Variants in THSD7A observed in about 807,000 individuals in gnomAD.
The protein encoded by THSD7A is thrombospondin type-1 domain-containing protein 7A.
THSD7A carries 96 observed loss-of-function variants against 231.3 expected under a neutral mutation model. That is an observed-to-expected ratio of 0.41 (90% CI 0.35 to 0.49). THSD7A has a LOEUF of 0.49. THSD7A is among the 20% of genes least tolerant of loss of function. The pLI, the probability that THSD7A is intolerant of heterozygous loss-of-function variation, is 0.05. For missense variants in THSD7A, 2,290 were observed against 2,070.2 expected (o/e 1.11, Z -2.06); for synonymous variants, 940 against 743.3 (o/e 1.26, Z -4.30).
intron 13 of THSD7A, among the ~76,000 whole-genome samples, chr7:11,441,152 ACTTAG>A (rs1784791655): frequency 6.6e-6 from 1 of 152,076 alleles, no homozygotes; most frequent in African/African-American, 2.4e-5. Context: ...TGTTCTAGGT[ACTTAG>A]GATACATCAG....
At chr7:11,721,240 C>A (rs1781339379) in intron 1 of THSD7A, among the ~76,000 whole-genome samples, 2 of 151,782 alleles carry the variant, frequency 1.3e-5, no homozygotes, top group African/African-American at 2.4e-5. Context: ...TAATTTGTGT[C>A]TCCACTCAAA....
chr7:11,827,222 C>G (rs1420226931), intron 1 of THSD7A, among the ~76,000 whole-genome samples: 2 of 151,966 alleles, frequency 1.3e-5, no homozygotes, highest in Non-Finnish European at 2.9e-5. Context: ...TGGGCTTTTC[C>G]TCCTCATAAA....
intron 8 of THSD7A, among the ~76,000 whole-genome samples, chr7:11,471,185 G>C (rs1234504242): frequency 6.6e-6 from 1 of 151,840 alleles, no homozygotes; most frequent in Non-Finnish European, 1.5e-5. Flanking sequence ...TGATTCCTAA[G>C]CAATTCTCTT....
intron 2 of THSD7A, among the ~76,000 whole-genome samples, chr7:11,626,612 C>A (rs1317112579): frequency 6.6e-6 from 1 of 152,050 alleles, no homozygotes; most frequent in Non-Finnish European, 1.5e-5. Flanking sequence ...AATTTGCCAT[C>A]ACTGACACCA....
chr7:11,574,922 A>G lies in THSD7A; in HGVS notation c.1453+15538T>C, dbSNP rs533198052. On this transcript the variant is annotated intron_variant, in intron 4 of 27. Coordinates refer to ENST00000423059, the MANE Select transcript of THSD7A (RefSeq NM_015204.3). The stretch of plus-strand genomic sequence containing the variant: ...AAACTGGCTTACAAGTAGTAACCCT[A>G]TACTGTATAGCACAGTGGTTAAGAT... Among the ~76,000 whole-genome samples the G allele has an allele frequency of 1.2e-4, 19 of 152,236 alleles. No individual in the cohort carries two copies. The East Asian group carries it at 1.5e-3, about 12-fold the overall frequency.
chr7:11,703,543 G>C (rs1780671277), intron 1 of THSD7A, among the ~76,000 whole-genome samples: 1 of 151,108 alleles, frequency 6.6e-6, no homozygotes, highest in Non-Finnish European at 1.5e-5. Context: ...TTTATCTTAA[G>C]ATATTTGCAT....
chr7:11,807,189 C>T (rs1158811617), intron 1 of THSD7A, among the ~76,000 whole-genome samples: 4 of 152,016 alleles, frequency 2.6e-5, no homozygotes, highest in South Asian at 4.1e-4. Flanking sequence ...CTCCACTGCA[C>T]GTGGTAATTG....
chr7:11,620,906 T>C (rs1464871002), intron 2 of THSD7A, among the ~76,000 whole-genome samples: 3 of 152,100 alleles, frequency 2.0e-5, no homozygotes, highest in Non-Finnish European at 4.4e-5. Flanking sequence ...ATAGCAACAA[T>C]ATAGGACAAC....
intron 1 of THSD7A, among the ~76,000 whole-genome samples, chr7:11,753,369 A>G (rs1039788334): frequency 2.0e-5 from 3 of 152,066 alleles, no homozygotes; most frequent in African/African-American, 7.2e-5. Context: ...GCATTATTGC[A>G]ATGTCTACTT....
At chr7:11,655,453 A>T (rs990828440) in intron 1 of THSD7A, among the ~76,000 whole-genome samples, 8 of 151,748 alleles carry the variant, frequency 5.3e-5, no homozygotes, top group African/African-American at 1.9e-4. Flanking sequence ...AAGAATTCTA[A>T]TCTAACCCCA....
intron 1 of THSD7A, among the ~76,000 whole-genome samples, chr7:11,727,854 T>C (rs1469547907): frequency 2.0e-5 from 3 of 152,022 alleles, no homozygotes. Flanking sequence ...ACCTCATTAC[T>C]GTAAGAGCTT....
At position 11,437,200 on chromosome 7, in the gene THSD7A, C is replaced by T. The variant is rs538771202; in HGVS notation, c.3065-8075G>A. Reference sequence around the variant, plus strand: ...TGAAGTAGTAGATGAGTTGAGGTGTCGGAACATGAACTAAATGACAATGGC... The same window carrying T: ...TGAAGTAGTAGATGAGTTGAGGTGTTGGAACATGAACTAAATGACAATGGC... On this transcript the variant is annotated intron_variant, in intron 13 of 27. Coordinates refer to ENST00000423059, the MANE Select transcript of THSD7A (RefSeq NM_015204.3). Among the ~76,000 whole-genome samples, 74 of 152,132 alleles carry T rather than the reference C, an allele frequency of 4.9e-4. 1 individual carries two copies. The South Asian group carries it at 0.015, about 31-fold the overall frequency.
At chr7:11,460,224 C>T (rs980799693) in intron 11 of THSD7A, among the ~76,000 whole-genome samples, 4 of 152,118 alleles carry the variant, frequency 2.6e-5, no homozygotes, top group Non-Finnish European at 5.9e-5. Flanking sequence ...ATTCTGAGAA[C>T]TTCTGAAAAA....
At chr7:11,459,275 G>T (rs1424674691) in intron 11 of THSD7A, among the ~76,000 whole-genome samples, 1 of 151,994 alleles carries the variant, frequency 6.6e-6, no homozygotes, top group East Asian at 1.9e-4. Context: ...GTAAAAGAAT[G>T]GAGACTAAAA....
chr7:11,371,765 G>T lies in THSD7A; in HGVS notation c.*4029C>A, dbSNP rs955071119. ...GGGCTTTTTTTTTTTTTTTTTTCCT[G>T]CATGCCTTCCACATTTTTCCTTTTC... is the stretch of plus-strand genomic sequence containing the variant. On this transcript the variant is annotated 3_prime_UTR_variant, in exon 28 of 28. Transcript: ENST00000423059. 12 of 122,898 alleles carry T rather than the reference G, an allele frequency of 9.8e-5. No homozygotes were observed. Among genetic ancestry groups the T allele is most frequent in the Non-Finnish European group, 1.4e-4 (8 of 58,238 alleles). The allele number at this position is 122,898 out of a possible 1,614,324, so 7.6% of individuals were successfully genotyped here.
Position 11,526,430 on chromosome 7 carries a change from T to G in THSD7A, c.1822+14989A>C, listed in dbSNP as rs377223791. ...CTATCCACTGTGCCCCTTGGCACAT[T>G]GAGCATGTCTCTAGTCCTTGTTGCA... On this transcript the variant is annotated intron_variant, in intron 6 of 27. Coordinates refer to ENST00000423059, the MANE Select transcript of THSD7A (RefSeq NM_015204.3). Among the ~76,000 whole-genome samples the G allele has an allele frequency of 7.2e-5, 11 of 152,298 alleles. No individual in the cohort carries two copies. In the East Asian group the frequency reaches 1.5e-3, roughly 21 times the overall value.
At chr7:11,782,773 G>T (rs1350891445) in intron 1 of THSD7A, among the ~76,000 whole-genome samples, 1 of 152,086 alleles carries the variant, frequency 6.6e-6, no homozygotes, top group Non-Finnish European at 1.5e-5. Context: ...GCTATAGAAA[G>T]TTAAATGAAT....
chr7:11,647,180 G>A (rs549382465), intron 1 of THSD7A, among the ~76,000 whole-genome samples: 2 of 152,050 alleles, frequency 1.3e-5, no homozygotes, highest in African/African-American at 4.8e-5. Flanking sequence ...TAAATCCAAT[G>A]AATCACAGAC....
At chr7:11,581,248 A>G (rs1323396428) in intron 4 of THSD7A, among the ~76,000 whole-genome samples, 2 of 152,066 alleles carry the variant, frequency 1.3e-5, no homozygotes, top group African/African-American at 4.8e-5. Context: ...TTGGGACTTA[A>G]CTGGGTATTT....
Sources: gnomAD v4.1 joint callset for allele counts (sites outside exome capture counted in the v4.1 genomes callset) on GRCh38, gnomAD v4.1.1 for gene constraint, MANE v1.5 for transcripts, NCBI Gene and HGNC (gene_info 2026-07-23, HGNC 2026-07-21) for gene names.